Variants in SCFD1 observed in about 807,000 individuals in gnomAD.
SCFD1 encodes the protein sec1 family domain containing 1, also known as sec1 family domain-containing protein 1.
SCFD1 carries 37 observed loss-of-function variants against 103.2 expected under a neutral mutation model. The ratio of observed to expected loss-of-function variants is 0.36; its 90% CI spans 0.28 to 0.47. The LOEUF (loss-of-function observed/expected upper bound fraction) is 0.47. SCFD1 is among the 20% of genes least tolerant of loss of function. SCFD1 has a pLI of 1.00. For missense variants in SCFD1, 639 were observed against 761.2 expected (o/e 0.84, Z 1.89); for synonymous variants, 264 against 245.0 (o/e 1.08, Z -0.73).
chr14:30,662,540 C>T (rs1887542122), intron 10 of SCFD1, among the ~76,000 whole-genome samples: 1 of 152,194 alleles, frequency 6.6e-6, no homozygotes, highest in Admixed American at 6.5e-5. Context: ...GTTGAAGACT[C>T]ACCTTAGTGT....
intron 19 of SCFD1, among the ~76,000 whole-genome samples, chr14:30,714,226 C>T (rs1445536461): frequency 2.0e-5 from 3 of 151,022 alleles, no homozygotes; most frequent in Non-Finnish European, 4.4e-5. Context: ...CAGTGGCGGG[C>T]GCCTGTAGTC....
rs73251156 is a variant in SCFD1 at position 30,635,173 on chromosome 14, G to A, written c.312+1136G>A. On this transcript the variant is annotated intron_variant, in intron 4 of 24. Transcript: ENST00000458591. Reference sequence around the variant, plus strand: ...GATGCCCAGCTTTCTCTTTTACCCTGCGTAAACTCAAGTATGCTATTCATG... The same window carrying A: ...GATGCCCAGCTTTCTCTTTTACCCTACGTAAACTCAAGTATGCTATTCATG... 2,861 of 345,752 alleles carry A rather than the reference G, an allele frequency of 8.3e-3. 101 individuals are homozygous for A. The highest frequency in any genetic ancestry group is 0.057 in the African/African-American group (2,637 of 46,582). The allele number at this position is 345,752 out of a possible 1,614,324, so 21.4% of individuals were successfully genotyped here. A position where few individuals can be genotyped will look rare whatever the true frequency, so the allele number is the denominator to read the frequency against.
intron 23 of SCFD1, among the ~76,000 whole-genome samples, chr14:30,730,428 C>T (rs1185621508): frequency 2.6e-5 from 4 of 152,180 alleles, no homozygotes; most frequent in African/African-American, 4.8e-5. Context: ...CTTGAGGAAT[C>T]GCCACACTGT....
intron 14 of SCFD1, among the ~76,000 whole-genome samples, chr14:30,680,112 T>A (rs1889356271): frequency 6.6e-6 from 1 of 152,220 alleles, no homozygotes; most frequent in South Asian, 2.1e-4. Flanking sequence ...AAAAAATATG[T>A]ATGAAATCAA....
chr14:30,629,627 G>T (rs548209054), intron 2 of SCFD1, among the ~76,000 whole-genome samples: 1 of 150,308 alleles, frequency 6.7e-6, no homozygotes, highest in Admixed American at 6.6e-5. Flanking sequence ...CGCCAGGCTG[G>T]AATGTAGTGG....
At chr14:30,630,586 A>C (rs1173175094) in intron 3 of SCFD1, 21 bp downstream of exon 3, 1 of 1,312,644 alleles carries the variant, frequency 7.6e-7, no homozygotes, top group Admixed American at 1.7e-5. Flanking sequence ...ACATATTTCT[A>C]ATAGTGGTAT....
chr14:30,639,104 C>A (rs1885017930), intron 5 of SCFD1, among the ~76,000 whole-genome samples: 1 of 152,166 alleles, frequency 6.6e-6, no homozygotes, highest in African/African-American at 2.4e-5. Context: ...CTCGCTCGCC[C>A]AGGCTGGAAT....
At chr14:30,691,884 T>C (rs1890329960) in intron 14 of SCFD1, among the ~76,000 whole-genome samples, 1 of 152,186 alleles carries the variant, frequency 6.6e-6, no homozygotes, top group Admixed American at 6.5e-5. Context: ...GTTTTTTTAC[T>C]GATTTATATA....
chr14:30,634,404 T>G (rs1301354363), intron 4 of SCFD1, among the ~76,000 whole-genome samples: 1 of 152,204 alleles, frequency 6.6e-6, no homozygotes, highest in Admixed American at 6.5e-5. Context: ...TCTATTTTAT[T>G]TCTAGCTATT....
intron 12 of SCFD1, 104 bp downstream of exon 12, chr14:30,673,451 T>C (rs1291290977): frequency 9.5e-6 from 5 of 528,956 alleles, no homozygotes; most frequent in Non-Finnish European, 1.7e-5. Context: ...GGCCATTTAA[T>C]GCTTTTATAA....
At chr14:30,663,616 C>G (rs1279425108) in intron 10 of SCFD1, among the ~76,000 whole-genome samples, 1 of 152,162 alleles carries the variant, frequency 6.6e-6, no homozygotes, top group Non-Finnish European at 1.5e-5. Context: ...TTGTAACTCT[C>G]TAGTCTTTAA....
intron 14 of SCFD1, among the ~76,000 whole-genome samples, chr14:30,682,083 A>G (rs1653443025): frequency 6.6e-6 from 1 of 152,228 alleles, no homozygotes; most frequent in Non-Finnish European, 1.5e-5. Context: ...GAGTTAGATA[A>G]CAAGTTGAGG....
intron 10 of SCFD1, among the ~76,000 whole-genome samples, chr14:30,663,630 G>A (rs1423640952): frequency 6.6e-6 from 1 of 152,084 alleles, no homozygotes; most frequent in Admixed American, 6.6e-5. Flanking sequence ...TCTTTAAATT[G>A]CCTATTTTTC....
At chr14:30,645,649 A>G (rs1885743508) in intron 7 of SCFD1, among the ~76,000 whole-genome samples, 1 of 152,174 alleles carries the variant, frequency 6.6e-6, no homozygotes. Context: ...GTGTATAGAA[A>G]TGCTGCTGGT....
intron 23 of SCFD1, 121 bp from the exon 24 acceptor site, chr14:30,734,669 C>A: frequency 1.3e-6 from 1 of 752,022 alleles, no homozygotes; most frequent in Non-Finnish European, 2.3e-6. Context: ...TAAAATCCAA[C>A]AGTATCCCAA....
chr14:30,726,597 CT>C (rs1156779719), intron 23 of SCFD1, among the ~76,000 whole-genome samples: 1 of 152,192 alleles, frequency 6.6e-6, no homozygotes, highest in Non-Finnish European at 1.5e-5. Flanking sequence ...TAAATTCATT[CT>C]TTTTGCTCGC....
At chr14:30,700,155 A>G in intron 15 of SCFD1, 33 bp from the exon 16 acceptor site, 2 of 1,475,220 alleles carry the variant, frequency 1.4e-6, no homozygotes, top group South Asian at 1.2e-5. Flanking sequence ...CACAATTATG[A>G]AAATATTTTT....
chr14:30,659,891 G>C (rs1887280165), intron 10 of SCFD1, among the ~76,000 whole-genome samples: 1 of 152,002 alleles, frequency 6.6e-6, no homozygotes, highest in Non-Finnish European at 1.5e-5. Context: ...TTTTACTAGG[G>C]AATATTTCAA....
intron 15 of SCFD1, among the ~76,000 whole-genome samples, chr14:30,696,945 A>G (rs769160371): frequency 2.2e-4 from 34 of 152,218 alleles, no homozygotes; most frequent in Non-Finnish European, 4.4e-4. Flanking sequence ...ATTTATAAAT[A>G]TAGAAAGGGA....
Sources: allele counts gnomAD v4.1 joint callset (sites outside exome capture counted in the v4.1 genomes callset), GRCh38; gene constraint gnomAD v4.1.1; transcripts MANE v1.5; gene names NCBI Gene and HGNC (gene_info 2026-07-23, HGNC 2026-07-21).